The following ZNF423 variants were observed in gnomAD, a reference collection of about 807,000 sequenced individuals.
ZNF423 encodes the protein zinc finger protein 423.
ZNF423 carries 12 observed loss-of-function variants against 95.8 expected under a neutral mutation model. The observed-to-expected ratio is 0.13, with a 90% confidence interval of 0.08 to 0.20. ZNF423 has a LOEUF of 0.20. ZNF423 is among the 10% of genes least tolerant of loss of function. The pLI is 1.00. For missense variants in ZNF423, 1,316 were observed against 1,737.1 expected, an observed-to-expected ratio of 0.76 and a Z score of 4.31; for synonymous variants, 749 against 711.9, an observed-to-expected ratio of 1.05 and a Z score of -0.83.
chr16:49,585,611 C>T (rs1970807457), intron 5 of ZNF423, among the ~76,000 whole-genome samples: 1 of 152,194 alleles, frequency 6.6e-6, no homozygotes, highest in Admixed American at 6.5e-5. Flanking sequence ...AATGTTATAC[C>T]ACTATTCTGC....
intron 5 of ZNF423, among the ~76,000 whole-genome samples, chr16:49,588,886 T>C (rs1447859306): frequency 1.3e-5 from 2 of 152,258 alleles, no homozygotes; most frequent in East Asian, 1.9e-4. Flanking sequence ...GATTCATGCA[T>C]GCAACTTGAT....
In ZNF423 at chr16:49,731,335, A is replaced by C. The variant is rs900090455; in HGVS notation, c.101-364T>G. On this transcript the variant is annotated intron_variant, in intron 2 of 7. Transcript: ENST00000563137. ...TCCATCAGCTGTTCCTAACACACCT[A>C]AACTTTTAGTTTTCCCCACAGCCTT... 4 of 985,260 alleles carry C rather than the reference A, an allele frequency of 4.1e-6. No individual in the cohort carries two copies. In the African/African-American group the frequency reaches 7.0e-5, roughly 17 times the overall value. 61.0% of individuals were successfully genotyped at this position (985,260 alleles called of 1,614,324 possible). A position where few individuals can be genotyped will look rare whatever the true frequency, so the allele number is the denominator to read the frequency against.
At chr16:49,680,000 A>T (rs1408346010) in intron 3 of ZNF423, among the ~76,000 whole-genome samples, 2 of 152,188 alleles carry the variant, frequency 1.3e-5, no homozygotes, top group African/African-American at 4.8e-5. Context: ...AGGACAACCT[A>T]CCTGTGGAAA....
intron 5 of ZNF423, among the ~76,000 whole-genome samples, chr16:49,594,478 A>G (rs1971119943): frequency 6.6e-6 from 1 of 152,156 alleles, no homozygotes; most frequent in Non-Finnish European, 1.5e-5. Context: ...ACAGGCATAC[A>G]GAAGAGGGGT....
chr16:49,543,717 T>C (rs1249949033), intron 5 of ZNF423, among the ~76,000 whole-genome samples: 13 of 152,282 alleles, frequency 8.5e-5, no homozygotes, highest in Admixed American at 7.2e-4. Context: ...GCTGAGCCTA[T>C]GTCCAGCTGG....
intron 4 of ZNF423, among the ~76,000 whole-genome samples, chr16:49,632,315 C>A (rs74412965): frequency 6.6e-6 from 1 of 152,178 alleles, no homozygotes. Flanking sequence ...AGCCCCCAAG[C>A]CCCTGTGAAA....
intron 1 of ZNF423, among the ~76,000 whole-genome samples, chr16:49,833,705 T>G (rs958605296): frequency 6.6e-6 from 1 of 152,032 alleles, no homozygotes; most frequent in African/African-American, 2.4e-5. Flanking sequence ...ATGCAGAGAT[T>G]AGGGAAGCAC....
At chr16:49,740,658 C>T (rs1043502617) in intron 2 of ZNF423, among the ~76,000 whole-genome samples, 13 of 152,198 alleles carry the variant, frequency 8.5e-5, no homozygotes, top group African/African-American at 2.7e-4. Flanking sequence ...GTGTCCCTAT[C>T]GGTGCCTGTG....
intron 7 of ZNF423, among the ~76,000 whole-genome samples, chr16:49,508,060 C>A (rs1487264735): frequency 1.3e-5 from 2 of 152,164 alleles, no homozygotes; most frequent in South Asian, 2.1e-4. Context: ...AGCTCTGAGG[C>A]CTTGGGGGGT....
At chr16:49,714,469 C>T (rs1466724168) in intron 3 of ZNF423, among the ~76,000 whole-genome samples, 1 of 151,638 alleles carries the variant, frequency 6.6e-6, no homozygotes. Context: ...CCAGCCTGGC[C>T]AACATGGCAA....
At chr16:49,677,292 A>AAGGGAAGGGAAGGGAAGGGAAGG (rs1567284019) in intron 3 of ZNF423, among the ~76,000 whole-genome samples, 5 of 81,048 alleles carry the variant, frequency 6.2e-5, no homozygotes, top group Non-Finnish European at 1.3e-4. Context: ...AGAAGAGAAG[A>AAGGGAAGGGAAGGGAAGGGAAGG]GAAGAGAAGA....
intron 3 of ZNF423, among the ~76,000 whole-genome samples, chr16:49,704,885 A>T (rs1440327325): frequency 6.6e-6 from 1 of 152,138 alleles, no homozygotes; most frequent in Non-Finnish European, 1.5e-5. Flanking sequence ...TCTCCTGCTC[A>T]TCAGCAGCCC....
intron 2 of ZNF423, among the ~76,000 whole-genome samples, chr16:49,735,102 GGTCCT>G (rs1441223285): frequency 2.0e-5 from 3 of 152,066 alleles, no homozygotes; most frequent in African/African-American, 7.2e-5. Flanking sequence ...TCCCATGTAG[GGTCCT>G]GGTCACAGCC....
intron 3 of ZNF423, among the ~76,000 whole-genome samples, chr16:49,653,442 G>C (rs1973492979): frequency 1.3e-5 from 2 of 152,102 alleles, no homozygotes; most frequent in South Asian, 4.1e-4. Flanking sequence ...ATTAAGTATA[G>C]GTGAAGCTTT....
intron 2 of ZNF423, among the ~76,000 whole-genome samples, chr16:49,762,806 G>A (rs1187633154): frequency 6.6e-6 from 1 of 152,140 alleles, no homozygotes; most frequent in Non-Finnish European, 1.5e-5. Context: ...CCAGCCCAAC[G>A]CTTGGTCTTG....
intron 3 of ZNF423, among the ~76,000 whole-genome samples, chr16:49,641,735 A>C (rs903216531): frequency 5.3e-5 from 8 of 152,196 alleles, no homozygotes; most frequent in Non-Finnish European, 1.2e-4. Context: ...CACTGGGAGG[A>C]GTGGATGAGA....
intron 1 of ZNF423, among the ~76,000 whole-genome samples, chr16:49,793,177 T>A (rs1365278985): frequency 6.7e-6 from 1 of 148,392 alleles, no homozygotes; most frequent in Non-Finnish European, 1.5e-5. Flanking sequence ...ACAGCTGCAC[T>A]CTTCTGTCCA....
intron 1 of ZNF423, among the ~76,000 whole-genome samples, chr16:49,824,316 A>G (rs779858942): frequency 2.0e-5 from 3 of 152,182 alleles, no homozygotes; most frequent in Non-Finnish European, 2.9e-5. Context: ...TGTCACAGGT[A>G]GGGACCCTGA....
At chr16:49,506,855 GGATGGATTGGTGAGTGGATGGATGAGTA>G (rs1289088730) in intron 7 of ZNF423, among the ~76,000 whole-genome samples, 7 of 152,072 alleles carry the variant, frequency 4.6e-5, no homozygotes, top group African/African-American at 7.2e-5. Context: ...ATGGATGGGT[GGATGGATTGGTGAGTGGATGGATGAGTA>G]GATGGATTGG....
Sources: allele counts gnomAD v4.1 joint callset (sites outside exome capture counted in the v4.1 genomes callset), GRCh38; gene constraint gnomAD v4.1.1; transcripts MANE v1.5; gene names NCBI Gene and HGNC (gene_info 2026-07-23, HGNC 2026-07-21).